Variants in AHCYL1 observed in about 807,000 individuals in gnomAD.
AHCYL1 encodes the protein S-adenosylhomocysteine hydrolase-like protein 1.
A neutral mutation model predicts 79.3 loss-of-function variants in AHCYL1; 20 were observed. That is an observed-to-expected ratio of 0.25 (90% CI 0.18 to 0.37). AHCYL1 has a LOEUF of 0.37. Among genes scored for constraint, AHCYL1 ranks in the 10% least tolerant of loss-of-function variants. AHCYL1 has a pLI of 1.00. For synonymous variants in AHCYL1, 223 were observed against 242.2 expected, an observed-to-expected ratio of 0.92 and a Z score of 0.74; for missense variants, 330 against 673.6, an observed-to-expected ratio of 0.49 and a Z score of 5.65.
At chr1:110,014,023 A>T (rs1375498905) in intron 5 of AHCYL1, among the ~76,000 whole-genome samples, 1 of 151,448 alleles carries the variant, frequency 6.6e-6, no homozygotes, top group Non-Finnish European at 1.5e-5. Context: ...CTGGTCTCGA[A>T]CTCCTGACCT....
intron 1 of AHCYL1, chr1:109,985,499 G>A: frequency 9.5e-7 from 1 of 1,055,920 alleles, no homozygotes; most frequent in South Asian, 3.2e-5. Flanking sequence ...GCTGACCCTT[G>A]TGACCAGTCC....
chr1:110,015,619 C>A, intron 7 of AHCYL1, 88 bp downstream of exon 7: 1 of 1,041,644 alleles, frequency 9.6e-7, no homozygotes, highest in Non-Finnish European at 1.5e-6. Context: ...GTGTTTCAGA[C>A]TTATAACTAA....
chr1:109,991,371 C>T (rs1037559390), intron 1 of AHCYL1, among the ~76,000 whole-genome samples: 3 of 152,188 alleles, frequency 2.0e-5, no homozygotes, highest in Non-Finnish European at 2.9e-5. Context: ...CCAACGCCTC[C>T]GCTGATGTGC....
chr1:110,002,128 T>G (rs1208634623), intron 1 of AHCYL1, among the ~76,000 whole-genome samples: 1 of 152,204 alleles, frequency 6.6e-6, no homozygotes, highest in African/African-American at 2.4e-5. Flanking sequence ...GAAGTAGAAA[T>G]ATCAATATGA....
chr1:109,985,355 G>T (rs1013751818), intron 1 of AHCYL1, 183 bp downstream of exon 1: 35 of 1,327,306 alleles, frequency 2.6e-5, no homozygotes, highest in Non-Finnish European at 3.3e-5. Flanking sequence ...CTCTGACCTC[G>T]CTTTCCTTTG....
intron 5 of AHCYL1, among the ~76,000 whole-genome samples, chr1:110,013,279 A>AT (rs1332941938): frequency 6.6e-6 from 1 of 152,254 alleles, no homozygotes; most frequent in Non-Finnish European, 1.5e-5. Context: ...GTTAAACTAT[A>AT]TAAGTGCCAT....
chr1:110,016,297 C>T (rs1651417879), intron 7 of AHCYL1, 47 bp from the exon 8 acceptor site: 1 of 1,416,992 alleles, frequency 7.1e-7, no homozygotes, highest in African/African-American at 1.4e-5. Flanking sequence ...TATGTTGTGC[C>T]AGCTAACTTG....
At chr1:109,989,500 A>G (rs889952051) in intron 1 of AHCYL1, among the ~76,000 whole-genome samples, 2 of 152,186 alleles carry the variant, frequency 1.3e-5, no homozygotes, top group Non-Finnish European at 2.9e-5. Flanking sequence ...ATTACAGGCA[A>G]GAGCCACCAC....
In AHCYL1 at chr1:109,995,339, C is replaced by T. The variant is rs1299732329; in HGVS notation, c.120+10167C>T. Among the ~76,000 whole-genome samples, 5 of 152,172 alleles carry T rather than the reference C, an allele frequency of 3.3e-5. No homozygotes were observed. In the South Asian group the frequency reaches 8.3e-4, roughly 25 times the overall value. On this transcript the variant is annotated intron_variant, in intron 1 of 16. Coordinates refer to ENST00000369799, the MANE Select transcript of AHCYL1 (RefSeq NM_006621.7). The stretch of plus-strand genomic sequence containing the variant: ...TCTTACTCCGCAGCGAGGGGATTAG[C>T]TGAGCACTGGGCATGTCTGGAATGA...
chr1:109,999,937 A>G lies in AHCYL1; in HGVS notation c.121-9097A>G, dbSNP rs1650220298. 1.3e-5 allele frequency among the ~76,000 whole-genome samples: 2 copies of G among 152,154 alleles called. 1 individual carries two copies. Among genetic ancestry groups the G allele is most frequent in the Non-Finnish European group, 2.9e-5 (2 of 68,026 alleles). On this transcript the variant is annotated intron_variant, in intron 1 of 16. Coordinates refer to ENST00000369799, the MANE Select transcript of AHCYL1 (RefSeq NM_006621.7). Reference sequence around the variant, plus strand: ...TTCAGCTGTGCTAGATCTTTTAGACATAAGACTTGGAAAGGGTGCTTTTTG... The same window carrying G: ...TTCAGCTGTGCTAGATCTTTTAGACGTAAGACTTGGAAAGGGTGCTTTTTG...
intron 1 of AHCYL1, among the ~76,000 whole-genome samples, chr1:109,992,881 C>A (rs1649840527): frequency 6.6e-6 from 1 of 152,146 alleles, no homozygotes; most frequent in Non-Finnish European, 1.5e-5. Context: ...TTTTAAAGTC[C>A]TGATGTGGAA....
At chr1:109,986,384 A>G (rs2101686722) in intron 1 of AHCYL1, among the ~76,000 whole-genome samples, 1 of 152,296 alleles carries the variant, frequency 6.6e-6, no homozygotes, top group Admixed American at 6.5e-5. Flanking sequence ...AAGATCAAAA[A>G]AGACGAGTCG....
chr1:109,984,804 C>T lies in AHCYL1; in HGVS notation c.-249C>T, dbSNP rs1014056318. On this transcript the variant is annotated 5_prime_UTR_variant, in exon 1 of 17. Transcript: ENST00000369799. Reference sequence around the variant, plus strand: ...TTTGCGTACAGCGGAGGTGGCGGCGCGGGCAGGTCGGAGCTCGGAGCTGCT... The same window carrying T: ...TTTGCGTACAGCGGAGGTGGCGGCGTGGGCAGGTCGGAGCTCGGAGCTGCT... 2.7e-6 allele frequency: 1 copy of T among 368,260 alleles called. No individual in the cohort carries two copies. Among genetic ancestry groups the T allele is most frequent in the Non-Finnish European group, 4.4e-6 (1 of 226,748 alleles). 22.8% of individuals were successfully genotyped at this position (368,260 alleles called of 1,614,324 possible).
chr1:110,003,944 GT>G (rs1650478733), intron 1 of AHCYL1: 1 of 985,394 alleles, frequency 1.0e-6, no homozygotes, highest in Non-Finnish European at 1.2e-6. Flanking sequence ...TCAGTGAAGT[GT>G]TTAGTCTTAC....
chr1:110,017,857 A>T, intron 10 of AHCYL1, 89 bp from the exon 11 acceptor site: 2 of 1,362,186 alleles, frequency 1.5e-6, no homozygotes, highest in Non-Finnish European at 2.1e-6. Context: ...ACTGGATCCA[A>T]CTAGAAGGGG....
At chr1:110,017,448 C>T (rs1021482571) in intron 9 of AHCYL1, 47 bp from the exon 10 acceptor site, 3 of 1,574,154 alleles carry the variant, frequency 1.9e-6, no homozygotes, top group African/African-American at 2.7e-5. Flanking sequence ...CCCTAAATAT[C>T]CATGACTTAA....
At chr1:110,010,634 T>C (rs988015892) in intron 2 of AHCYL1, among the ~76,000 whole-genome samples, 1 of 152,212 alleles carries the variant, frequency 6.6e-6, no homozygotes, top group Non-Finnish European at 1.5e-5. Flanking sequence ...CTTATCACTT[T>C]TGTCTATATC....
chr1:110,000,844 T>C, intron 1 of AHCYL1: 1 of 614,696 alleles, frequency 1.6e-6, no homozygotes, highest in Non-Finnish European at 2.0e-6. Context: ...TTTTCTCATT[T>C]GTGAAGCATA....
intron 1 of AHCYL1, among the ~76,000 whole-genome samples, chr1:109,987,366 G>A (rs1020585592): frequency 6.6e-6 from 1 of 152,178 alleles, no homozygotes; most frequent in Non-Finnish European, 1.5e-5. Flanking sequence ...ACTTGGCATG[G>A]TACTTAATGG....
Sources: gnomAD v4.1 joint callset for allele counts (sites outside exome capture counted in the v4.1 genomes callset) on GRCh38, gnomAD v4.1.1 for gene constraint, MANE v1.5 for transcripts, NCBI Gene and HGNC (gene_info 2026-07-23, HGNC 2026-07-21) for gene names.